TMPRSS11A: variants seen among roughly 807,000 people sequenced by gnomAD.
TMPRSS11A encodes the protein transmembrane serine protease 11A, also known as transmembrane protease serine 11A.
In TMPRSS11A, 53 loss-of-function variants were observed where a neutral mutation model predicts 58.9. The observed-to-expected ratio is 0.90, with a 90% CI of 0.72 to 1.13. TMPRSS11A has a LOEUF of 1.13. Among genes scored for constraint, TMPRSS11A ranks in the 50% most tolerant of loss-of-function variants. The pLI is 0.00. For synonymous variants in TMPRSS11A, 167 were observed against 169.8 expected (o/e 0.98, Z 0.13); for missense variants, 493 against 499.3 (o/e 0.99, Z 0.12).
chr4:67,950,267 A>G (rs1278776739), intron 1 of TMPRSS11A, among the ~76,000 whole-genome samples: 3 of 152,174 alleles, frequency 2.0e-5, no homozygotes, highest in Non-Finnish European at 2.9e-5. Context: ...AGTTCCTTGA[A>G]GCTGAACTGA....
chr4:67,930,585 C>T (rs1220617568), intron 4 of TMPRSS11A, among the ~76,000 whole-genome samples: 1 of 152,000 alleles, frequency 6.6e-6, no homozygotes, highest in South Asian at 2.1e-4. Flanking sequence ...ATTTCCTCCT[C>T]TAGCCCAAAT....
At chr4:67,919,350 T>C in intron 7 of TMPRSS11A, 118 bp from the exon 8 acceptor site, 2 of 900,562 alleles carry the variant, frequency 2.2e-6, no homozygotes, top group Non-Finnish European at 3.3e-6. Context: ...TGGCTGCAGT[T>C]ATAGTTTTCT....
At chr4:67,954,412 GTCTT>G (rs1294679926) in intron 1 of TMPRSS11A, among the ~76,000 whole-genome samples, 4 of 152,190 alleles carry the variant, frequency 2.6e-5, no homozygotes, top group African/African-American at 9.7e-5. Flanking sequence ...TTGTAGCCCT[GTCTT>G]TCCTCTAGCA....
chr4:67,954,476 G>C (rs1721235785), intron 1 of TMPRSS11A, among the ~76,000 whole-genome samples: 1 of 152,162 alleles, frequency 6.6e-6, no homozygotes, highest in Non-Finnish European at 1.5e-5. Flanking sequence ...ATCCCTTCTA[G>C]ATCCCCCTGC....
intron 1 of TMPRSS11A, among the ~76,000 whole-genome samples, chr4:67,956,911 T>A (rs1264529663): frequency 6.6e-6 from 1 of 152,178 alleles, no homozygotes; most frequent in Non-Finnish European, 1.5e-5. Context: ...AGAGACCCAA[T>A]GGGAGGTAAT....
intron 5 of TMPRSS11A, among the ~76,000 whole-genome samples, chr4:67,928,949 G>A (rs1407580755): frequency 1.3e-5 from 2 of 152,098 alleles, no homozygotes; most frequent in Non-Finnish European, 2.9e-5. Context: ...AGCGGACGAG[G>A]GTAAACAAGT....
At chr4:67,952,177 T>C (rs1297432052) in intron 1 of TMPRSS11A, among the ~76,000 whole-genome samples, 1 of 152,234 alleles carries the variant, frequency 6.6e-6, no homozygotes, top group Admixed American at 6.5e-5. Context: ...AGCAGAATTA[T>C]TTGTCATCAT....
chr4:67,929,078 T>C (rs1720545913), intron 5 of TMPRSS11A, among the ~76,000 whole-genome samples: 1 of 152,244 alleles, frequency 6.6e-6, no homozygotes, highest in Non-Finnish European at 1.5e-5. Flanking sequence ...CCTTTTTTAA[T>C]TGGAGCCTTT....
Position 67,946,587 on chromosome 4 carries a change from G to T in TMPRSS11A, c.12-16C>A. Reference sequence around the variant, plus strand: ...TCCCACTGTCCTGAGAAAAGGAAGGGCCCACTGGTTACTCTCAGATAGCAA... The same window carrying T: ...TCCCACTGTCCTGAGAAAAGGAAGGTCCCACTGGTTACTCTCAGATAGCAA... On this transcript the variant is annotated splice_polypyrimidine_tract_variant and intron_variant, in intron 1 of 9. Coordinates refer to ENST00000508048, the MANE Select transcript of TMPRSS11A (RefSeq NM_001114387.2). 1 of 1,602,970 alleles carries T rather than the reference G, an allele frequency of 6.2e-7. No homozygotes were observed.
At chr4:67,946,617 T>G in intron 1 of TMPRSS11A, 46 bp from the exon 2 acceptor site, 10 of 1,572,324 alleles carry the variant, frequency 6.4e-6, no homozygotes, top group Non-Finnish European at 8.6e-6. Context: ...TAGCAATGCT[T>G]GCAGGTTTTC....
At chr4:67,919,440 T>C (rs1322976861) in intron 7 of TMPRSS11A, among the ~76,000 whole-genome samples, 1 of 152,214 alleles carries the variant, frequency 6.6e-6, no homozygotes, top group African/African-American at 2.4e-5. Context: ...TGATATTTAA[T>C]ACAAAACTAT....
chr4:67,934,830 C>T (rs1012307645), intron 3 of TMPRSS11A, among the ~76,000 whole-genome samples: 1 of 152,136 alleles, frequency 6.6e-6, no homozygotes, highest in Non-Finnish European at 1.5e-5. Context: ...GCAGGTGCTT[C>T]CTGACTGGCT....
chr4:67,960,649 A>G (rs1348713892), intron 1 of TMPRSS11A, among the ~76,000 whole-genome samples: 1 of 152,222 alleles, frequency 6.6e-6, no homozygotes, highest in Non-Finnish European at 1.5e-5. Flanking sequence ...TTAGTAACTA[A>G]CATGGTGAGT....
chr4:67,922,974 C>G (rs779432648), intron 6 of TMPRSS11A, 48 bp from the exon 7 acceptor site: 2 of 1,589,330 alleles, frequency 1.3e-6, no homozygotes, highest in South Asian at 1.1e-5. Context: ...CTTGTAATTA[C>G]AGGAAATGAC....
chr4:67,916,859 A>T (rs1720169236), intron 8 of TMPRSS11A, among the ~76,000 whole-genome samples: 1 of 152,124 alleles, frequency 6.6e-6, no homozygotes, highest in Non-Finnish European at 1.5e-5. Flanking sequence ...TAAAAATAAA[A>T]TAATGGTGAG....
chr4:67,920,352 T>C (rs946135718), intron 7 of TMPRSS11A, among the ~76,000 whole-genome samples: 9 of 151,970 alleles, frequency 5.9e-5, no homozygotes, highest in African/African-American at 2.2e-4. Flanking sequence ...TTTGTATTTT[T>C]CAGAAGACTT....
intron 5 of TMPRSS11A, among the ~76,000 whole-genome samples, chr4:67,925,430 C>G (rs879400042): frequency 1.3e-5 from 2 of 152,184 alleles, no homozygotes; most frequent in Non-Finnish European, 2.9e-5. Context: ...CCATGTTTCT[C>G]AGACACATTC....
chr4:67,959,402 G>A lies in TMPRSS11A; in HGVS notation c.11+3981C>T, dbSNP rs1438422. On this transcript the variant is annotated intron_variant, in intron 1 of 9. Transcript: ENST00000508048. ...TATCTGCACAGCAAAAGAAACTATC[G>A]AATAAACAGACAATCTACAGAATCA... is the stretch of plus-strand genomic sequence containing the variant. 4.9e-3 allele frequency among the ~76,000 whole-genome samples: 744 copies of A among 152,106 alleles called. 7 individuals carry two copies. The highest frequency in any genetic ancestry group is 0.017 in the African/African-American group (689 of 41,492).
intron 3 of TMPRSS11A, among the ~76,000 whole-genome samples, chr4:67,937,902 T>C (rs896930692): frequency 4.6e-5 from 7 of 152,302 alleles, no homozygotes; most frequent in Non-Finnish European, 8.8e-5. Context: ...AAAAAGTTTA[T>C]ACTCCTTTGG....
Sources: gnomAD v4.1 joint callset for allele counts (sites outside exome capture counted in the v4.1 genomes callset) on GRCh38, gnomAD v4.1.1 for gene constraint, MANE v1.5 for transcripts, NCBI Gene and HGNC (gene_info 2026-07-23, HGNC 2026-07-21) for gene names.